ALK: variants seen among roughly 807,000 people sequenced by gnomAD.
The protein encoded by ALK is ALK receptor tyrosine kinase, also known as ALK tyrosine kinase receptor.
Under a neutral mutation model 163.1 loss-of-function variants are expected in ALK, and 74 were observed. The observed-to-expected ratio is 0.45, with a 90% CI of 0.38 to 0.55. The LOEUF (loss-of-function observed/expected upper bound fraction) is 0.55, where lower values mean the gene tolerates loss of function less well. Among genes scored for constraint, ALK ranks in the 20% least tolerant of loss-of-function variants. ALK has a pLI of 0.00. For synonymous variants in ALK, 960 were observed against 843.2 expected, an observed-to-expected ratio of 1.14 and a Z score of -2.40; for missense variants, 2,063 against 2,105.3, an observed-to-expected ratio of 0.98 and a Z score of 0.39.
At chr2:29,638,080 A>T (rs1186750622) in intron 3 of ALK, among the ~76,000 whole-genome samples, 1 of 151,936 alleles carries the variant, frequency 6.6e-6, no homozygotes, top group Admixed American at 6.6e-5. Context: ...TTCTCTATTG[A>T]CTCCGTTTTC....
chr2:29,328,067 G>C (rs942298686), intron 6 of ALK, among the ~76,000 whole-genome samples: 1 of 152,186 alleles, frequency 6.6e-6, no homozygotes, highest in Non-Finnish European at 1.5e-5. Context: ...CATTAGAGCT[G>C]GGCTTTATCC....
chr2:29,870,356 G>A (rs1666545559), intron 1 of ALK, among the ~76,000 whole-genome samples: 1 of 152,140 alleles, frequency 6.6e-6, no homozygotes, highest in African/African-American at 2.4e-5. Context: ...TGGCTGGCAG[G>A]AGACAAAGTG....
chr2:29,773,233 T>TACACACACACAC (rs111768210), intron 1 of ALK, among the ~76,000 whole-genome samples: 1 of 146,850 alleles, frequency 6.8e-6, no homozygotes, highest in Non-Finnish European at 1.5e-5. Flanking sequence ...ACAGTAAATG[T>TACACACACACAC]ACACACACAC....
At chr2:29,313,659 G>C (rs1002151534) in intron 8 of ALK, among the ~76,000 whole-genome samples, 1 of 152,152 alleles carries the variant, frequency 6.6e-6, no homozygotes, top group Non-Finnish European at 1.5e-5. Context: ...TCTAGGTTTG[G>C]TCTTGTGTTT....
chr2:29,413,819 C>G (rs968336950), intron 4 of ALK, among the ~76,000 whole-genome samples: 1 of 152,204 alleles, frequency 6.6e-6, no homozygotes, highest in Non-Finnish European at 1.5e-5. Context: ...AGGCTTGAGG[C>G]ACCTCACCCA....
intron 1 of ALK, among the ~76,000 whole-genome samples, chr2:29,776,642 C>T (rs547401232): frequency 1.3e-5 from 2 of 152,138 alleles, no homozygotes; most frequent in South Asian, 4.2e-4. Context: ...CAAAACAAGT[C>T]CTGATTTTGC....
chr2:29,564,732 G>T (rs191364470), intron 3 of ALK, among the ~76,000 whole-genome samples: 6 of 152,192 alleles, frequency 3.9e-5, no homozygotes, highest in Non-Finnish European at 7.3e-5. Context: ...AGGAAGGGAG[G>T]GGGTATCTCA....
chr2:29,536,835 A>G (rs12104462), intron 3 of ALK, among the ~76,000 whole-genome samples: 28,052 of 152,226 alleles, frequency 0.18, 2,798 homozygotes, highest in South Asian at 0.25. Flanking sequence ...AAACTGGAAT[A>G]AAGGTAACCT....
chr2:29,863,425 T>C (rs7564775), intron 1 of ALK, among the ~76,000 whole-genome samples: 120,832 of 152,084 alleles, frequency 0.79, 48,221 homozygotes, highest in Non-Finnish European at 0.83. Context: ...AACTTAATAG[T>C]AAGAAAATGA....
At chr2:29,831,367 TG>T (rs1178259216) in intron 1 of ALK, among the ~76,000 whole-genome samples, 1 of 151,084 alleles carries the variant, frequency 6.6e-6, no homozygotes, top group Non-Finnish European at 1.5e-5. Context: ...AATCAGAATC[TG>T]GGTTTTCATT....
intron 5 of ALK, 33 bp from the exon 6 acceptor site, chr2:29,328,514 G>C (rs1438217429): frequency 1.2e-6 from 2 of 1,613,880 alleles, no homozygotes; most frequent in Admixed American, 3.3e-5. Flanking sequence ...ACCATGGTAA[G>C]TTTGCATGGC....
At chr2:29,621,240 G>GA (rs200417090) in intron 3 of ALK, among the ~76,000 whole-genome samples, 1,980 of 148,588 alleles carry the variant, frequency 0.013, 36 homozygotes, top group African/African-American at 0.037. Flanking sequence ...TCTGAGGTGA[G>GA]AAAAAAAAAA....
intron 2 of ALK, among the ~76,000 whole-genome samples, chr2:29,706,975 ATGTG>A (rs766564449): frequency 0.092 from 9,473 of 102,470 alleles, 402 homozygotes; most frequent in East Asian, 0.18. Flanking sequence ...CTCATGCAGA[ATGTG>A]TGTGTGTGTG....
At chr2:29,916,144 T>C (rs1271307747) in intron 1 of ALK, among the ~76,000 whole-genome samples, 2 of 152,230 alleles carry the variant, frequency 1.3e-5, no homozygotes, top group African/African-American at 4.8e-5. Context: ...CTGGGACTTG[T>C]CTGACCCACA....
At chr2:29,738,639 A>G (rs1236525811) in intron 1 of ALK, among the ~76,000 whole-genome samples, 1 of 152,052 alleles carries the variant, frequency 6.6e-6, no homozygotes, top group Non-Finnish European at 1.5e-5. Context: ...AAGAGAATCA[A>G]ATGAAGAACT....
intron 15 of ALK, among the ~76,000 whole-genome samples, chr2:29,230,973 C>T (rs900308012): frequency 1.3e-5 from 2 of 152,194 alleles, no homozygotes; most frequent in African/African-American, 4.8e-5. Flanking sequence ...ACCCGTTCTG[C>T]AGCCTTCGAG....
chr2:29,830,966 AGAAGAAGAAG>A (rs1558508253), intron 1 of ALK, among the ~76,000 whole-genome samples: 13 of 27,346 alleles, frequency 4.8e-4, no homozygotes, highest in African/African-American at 1.8e-3. Context: ...AAGAAGAAGA[AGAAGAAGAAG>A]AAGAAGAAGA....
At chr2:29,701,298 G>A (rs1407334383) in intron 2 of ALK, among the ~76,000 whole-genome samples, 1 of 152,106 alleles carries the variant, frequency 6.6e-6, no homozygotes, top group Admixed American at 6.5e-5. Context: ...ATCACCTTGG[G>A]TCAGTTTCAA....
intron 4 of ALK, among the ~76,000 whole-genome samples, chr2:29,483,265 G>T (rs1671705465): frequency 1.3e-5 from 2 of 152,128 alleles, no homozygotes; most frequent in African/African-American, 4.8e-5. Flanking sequence ...ATTGCTTGAG[G>T]AGCTTTCAAA....
Sources: allele counts gnomAD v4.1 joint callset (sites outside exome capture counted in the v4.1 genomes callset), GRCh38; gene constraint gnomAD v4.1.1; transcripts MANE v1.5; gene names NCBI Gene and HGNC (gene_info 2026-07-23, HGNC 2026-07-21).